HDAC8: variants seen among roughly 807,000 people sequenced by gnomAD.
HDAC8 encodes histone deacetylase 8.
HDAC8 carries 1 observed loss-of-function variant against 32.2 expected under a neutral mutation model. The ratio of observed to expected loss-of-function variants is 0.03; its 90% CI spans 0.01 to 0.15. The LOEUF is 0.15. Ranked by LOEUF, HDAC8 falls within the 10% of genes least tolerant of loss-of-function variation. The pLI is 1.00. For missense variants in HDAC8, 117 were observed against 300.0 expected (o/e 0.39, Z 4.51); for synonymous variants, 108 against 113.9 (o/e 0.95, Z 0.33).
At chrX:72,567,741 T>C in intron 4 of HDAC8, 148 bp downstream of exon 4, 1 of 1,210,937 alleles carries the variant, frequency 8.3e-7, no homozygotes, top group South Asian at 1.8e-5. Context: ...CTTTTTTCTA[T>C]TTCACTTGGA....
chrX:72,401,189 A>G (rs898886974), intron 9 of HDAC8, among the ~76,000 whole-genome samples: 5 of 112,073 alleles, frequency 4.5e-5, no homozygotes, highest in African/African-American at 1.3e-4. Context: ...TTACATTCCC[A>G]TGGGCAGTGT....
rs1602767987 is a variant in HDAC8 at position 72,424,421 on chromosome X, C to T, written c.1005+37583G>A. On this transcript the variant is annotated intron_variant, in intron 9 of 10. Coordinates refer to ENST00000373573, the MANE Select transcript of HDAC8 (RefSeq NM_018486.3). Reference sequence around the variant, plus strand: ...AATTTCCTAGCCATATTTTTCTTCTCTTTTCTTTTTCAGGAATTCTTATTG... The same window carrying T: ...AATTTCCTAGCCATATTTTTCTTCTTTTTTCTTTTTCAGGAATTCTTATTG... 4.5e-5 allele frequency among the ~76,000 whole-genome samples: 5 copies of T among 111,193 alleles called. No homozygotes were observed. The South Asian group carries it at 1.9e-3, about 42-fold the overall frequency.
At chrX:72,357,062 G>A (rs782371592) in intron 9 of HDAC8, among the ~76,000 whole-genome samples, 32 of 110,521 alleles carry the variant, frequency 2.9e-4, no homozygotes, top group African/African-American at 9.2e-4. Flanking sequence ...AGGAGAGGGT[G>A]GAAGGAATAG....
intron 9 of HDAC8, among the ~76,000 whole-genome samples, chrX:72,455,242 A>G (rs1426396697): frequency 8.9e-6 from 1 of 112,379 alleles, no homozygotes; most frequent in Non-Finnish European, 1.9e-5. Flanking sequence ...CAATAGCACC[A>G]AAGTATACCA....
chrX:72,423,170 A>T (rs1349669822), intron 9 of HDAC8, among the ~76,000 whole-genome samples: 1 of 111,888 alleles, frequency 8.9e-6, no homozygotes. Flanking sequence ...GGCATCACAC[A>T]TAGGCCAGGA....
chrX:72,359,946 T>C (rs1212425735), intron 9 of HDAC8, among the ~76,000 whole-genome samples: 1 of 109,676 alleles, frequency 9.1e-6, no homozygotes, highest in Non-Finnish European at 1.9e-5. Flanking sequence ...TTCCAGCTAC[T>C]TGGGAGGCTG....
At chrX:72,345,239 G>A (rs992931021) in intron 10 of HDAC8, among the ~76,000 whole-genome samples, 4 of 111,271 alleles carry the variant, frequency 3.6e-5, no homozygotes, top group African/African-American at 1.3e-4. Flanking sequence ...TGCTTCTGAA[G>A]CTCACTTTGG....
At position 72,378,177 on chromosome X, in the gene HDAC8, A is replaced by T. The variant is rs187670309; in HGVS notation, c.1006-26339T>A. On this transcript the variant is annotated intron_variant, in intron 9 of 10. Transcript: ENST00000373573. ...GGTTTGTTCATCCCCACCAAAACTCATTTAAAACTTGATCCATAATGTGGC... is the reference window on the plus strand; with the variant it reads ...GGTTTGTTCATCCCCACCAAAACTCTTTTAAAACTTGATCCATAATGTGGC... Among the ~76,000 whole-genome samples the T allele has an allele frequency of 6.7e-3, 748 of 111,191 alleles. 3 individuals carry two copies. Among genetic ancestry groups the T allele is most frequent in the Middle Eastern group, 0.032 (7 of 217 alleles).
intron 8 of HDAC8, 69 bp downstream of exon 8, chrX:72,464,490 A>G (rs781824016): frequency 3.5e-5 from 33 of 953,925 alleles, no homozygotes; most frequent in Non-Finnish European, 5.0e-5. Context: ...CAAGTTTTCC[A>G]AGTTCAGTGC....
chrX:72,500,987 G>A (rs782576294), intron 4 of HDAC8, among the ~76,000 whole-genome samples: 1 of 111,380 alleles, frequency 9.0e-6, no homozygotes, highest in African/African-American at 3.3e-5. Context: ...TAGTCAACCC[G>A]AGAACCAAAT....
intron 9 of HDAC8, among the ~76,000 whole-genome samples, chrX:72,367,602 T>C (rs2044740391): frequency 8.9e-6 from 1 of 112,608 alleles, no homozygotes; most frequent in African/African-American, 3.2e-5. Flanking sequence ...CACCAACAGA[T>C]TAGCAAAGGC....
chrX:72,375,587 G>C, intron 9 of HDAC8, among the ~76,000 whole-genome samples: 1 of 110,214 alleles, frequency 9.1e-6, no homozygotes, highest in Non-Finnish European at 1.9e-5. Flanking sequence ...GGATTGGGGA[G>C]GGAAGGGAAG....
rs2148131646 is a variant in HDAC8, at chrX:72,490,999, T to C, written c.558A>G (p.Glu186=). The change falls in exon 6 of 11, where the codon GAA becomes GAG. Residue 186 remains glutamate, a synonymous_variant. Transcript: ENST00000373573. ...DLDLHHGDGV[E]DAFSFTSKVM... ...CTTTGGAGGTGAAACTGAATGCGTCTTCTACACCTAACAGATAAAGAAACA... is the reference window on the plus strand; with the variant it reads ...CTTTGGAGGTGAAACTGAATGCGTCCTCTACACCTAACAGATAAAGAAACA... 11 of 1,176,316 alleles carry C rather than the reference T, an allele frequency of 9.4e-6. No individual in the cohort carries two copies. Among genetic ancestry groups the C allele is most frequent in the Non-Finnish European group, 1.3e-5 (11 of 863,832 alleles).
chrX:72,528,123 C>A (rs2050215549), intron 4 of HDAC8, among the ~76,000 whole-genome samples: 1 of 110,851 alleles, frequency 9.0e-6, no homozygotes, highest in African/African-American at 3.3e-5. Context: ...GGTCTCTACC[C>A]TGTTTCTACA....
At chrX:72,504,410 T>C (rs782393889) in intron 4 of HDAC8, among the ~76,000 whole-genome samples, 2 of 112,137 alleles carry the variant, frequency 1.8e-5, no homozygotes, top group Non-Finnish European at 3.8e-5. Context: ...ATATTTTATA[T>C]GTGTAATCAC....
At chrX:72,571,569 T>C (rs2052068213) in intron 2 of HDAC8, among the ~76,000 whole-genome samples, 1 of 77,613 alleles carries the variant, frequency 1.3e-5, no homozygotes, top group African/African-American at 4.7e-5. Context: ...TTTTTTTTTT[T>C]TTTTTTTTTT....
intron 10 of HDAC8, among the ~76,000 whole-genome samples, chrX:72,346,780 G>A (rs936001841): frequency 9.1e-6 from 1 of 110,162 alleles, no homozygotes; most frequent in Non-Finnish European, 1.9e-5. Flanking sequence ...GGGAGGGGGC[G>A]GGGCCTAGGG....
At chrX:72,535,626 T>A (rs1407909159) in intron 4 of HDAC8, among the ~76,000 whole-genome samples, 5 of 111,900 alleles carry the variant, frequency 4.5e-5, no homozygotes, top group Non-Finnish European at 9.4e-5. Context: ...AGTAATACTA[T>A]CATAAAATAC....
At chrX:72,478,103 G>A (rs930094744) in intron 7 of HDAC8, among the ~76,000 whole-genome samples, 1 of 112,596 alleles carries the variant, frequency 8.9e-6, no homozygotes, top group Non-Finnish European at 1.9e-5. Context: ...AAAAGGGCTG[G>A]CTAAGCAAAT....
Sources: allele counts gnomAD v4.1 joint callset (sites outside exome capture counted in the v4.1 genomes callset), GRCh38; gene constraint gnomAD v4.1.1; transcripts MANE v1.5; gene names NCBI Gene and HGNC (gene_info 2026-07-23, HGNC 2026-07-21).